Variants in SPINK13 observed in about 807,000 individuals in gnomAD.
SPINK13 encodes serine peptidase inhibitor Kazal type 13.
A neutral mutation model predicts 11.0 loss-of-function variants in SPINK13; 11 were observed. That is an observed-to-expected ratio of 1.00 (90% CI 0.63 to 1.65). The LOEUF (loss-of-function observed/expected upper bound fraction) is 1.65. Among genes scored for constraint, SPINK13 ranks in the 40% most tolerant of loss-of-function variants. SPINK13 has a pLI of 0.00. For synonymous variants in SPINK13, 31 were observed against 35.6 expected (o/e 0.87, Z 0.46); for missense variants, 113 against 117.7 (o/e 0.96, Z 0.19).
chr5:148,272,371 A>G lies in SPINK13; in HGVS notation c.71-1976A>G, dbSNP rs150251523. 1.8e-3 allele frequency among the ~76,000 whole-genome samples: 277 copies of G among 152,290 alleles called. 5 individuals are homozygous for G. The highest frequency in any genetic ancestry group is 5.8e-3 in the East Asian group (30 of 5,182). On this transcript the variant is annotated intron_variant, in intron 2 of 4. Coordinates refer to ENST00000398450, the MANE Select transcript of SPINK13 (RefSeq NM_001040129.3). ...ATTAGAAAATTAAAATTTAAAAAAT[A>G]TTAGATAATAAAAAAGTTTCAGATG...
intron 2 of SPINK13, among the ~76,000 whole-genome samples, chr5:148,272,122 A>ATG: frequency 6.6e-6 from 1 of 152,114 alleles, no homozygotes; most frequent in East Asian, 1.9e-4. Flanking sequence ...TCTTTTGTTG[A>ATG]TGGACATTTG....
chr5:148,284,835 T>C (rs750383218), intron 4 of SPINK13, among the ~76,000 whole-genome samples: 7 of 152,194 alleles, frequency 4.6e-5, no homozygotes, highest in Non-Finnish European at 8.8e-5. Flanking sequence ...TCATATTCTC[T>C]GTCCTTAATG....
At position 148,286,037 on chromosome 5, in the gene SPINK13, A is replaced by G; in HGVS notation, c.274A>G (p.Lys92Glu). ...TCGTATAAAATTTGAAAAATATGGA[A>G]AATGTGATTAATGGGTACCAGAGTA... The part of the protein sequence containing the change: ...HYRIKFEKYG[K>E]CD Residue 92 changes from lysine (K) to glutamate (E), a missense_variant, in exon 5 of 5, where the codon AAA becomes GAA. Lys to Glu is a moderately conservative substitution (Grantham distance 56). Coordinates refer to ENST00000398450, the MANE Select transcript of SPINK13 (RefSeq NM_001040129.3). 6.9e-7 allele frequency: 1 copy of G among 1,458,662 alleles called. No individual in the cohort carries two copies. Among genetic ancestry groups the G allele is most frequent in the Non-Finnish European group, 9.4e-7 (1 of 1,065,272 alleles). The allele number at this position is 1,458,662 out of a possible 1,614,324, so 90.4% of individuals were successfully genotyped here.
At chr5:148,285,324 T>C (rs1756574304) in intron 4 of SPINK13, among the ~76,000 whole-genome samples, 1 of 151,908 alleles carries the variant, frequency 6.6e-6, no homozygotes, top group Non-Finnish European at 1.5e-5. Flanking sequence ...ATTATAGGGG[T>C]TGGTGTGGGA....
intron 3 of SPINK13, among the ~76,000 whole-genome samples, chr5:148,277,034 A>T (rs1756440961): frequency 6.6e-6 from 1 of 152,032 alleles, no homozygotes; most frequent in African/African-American, 2.4e-5. Flanking sequence ...TTCTCTTTTT[A>T]GCAATTGTGA....
chr5:148,285,860 A>G (rs2113379142), intron 4 of SPINK13, 140 bp from the exon 5 acceptor site: 3 of 443,480 alleles, frequency 6.8e-6, no homozygotes, highest in South Asian at 6.0e-5. Flanking sequence ...ACAAAAATGA[A>G]AAAAAAAAAG....
Position 148,282,371 on chromosome 5 carries a change from C to A in SPINK13, c.236+140C>A, listed in dbSNP as rs1351849860. On this transcript the variant is annotated intron_variant, in intron 4 of 4. Transcript: ENST00000398450. The stretch of plus-strand genomic sequence containing the variant: ...CCTCATTATTTACAAAAACTGGGGA[C>A]AGACTACAGAGAGAGTGAAGAAAGT... The A allele has an allele frequency of 4.0e-6, 4 of 1,004,402 alleles. No individual in the cohort carries two copies. In the East Asian group the frequency reaches 1.1e-4, roughly 27 times the overall value. 62.2% of individuals were successfully genotyped at this position (1,004,402 alleles called of 1,614,324 possible). A position where few individuals can be genotyped will look rare whatever the true frequency, so the allele number is the denominator to read the frequency against.
chr5:148,269,410 A>C (rs1296289430), intron 1 of SPINK13, among the ~76,000 whole-genome samples: 1 of 151,490 alleles, frequency 6.6e-6, no homozygotes, highest in Non-Finnish European at 1.5e-5. Flanking sequence ...TTTTTTTCTG[A>C]TTCTTGCATC....
chr5:148,276,056 G>T (rs1176221451), intron 3 of SPINK13, among the ~76,000 whole-genome samples: 2 of 152,160 alleles, frequency 1.3e-5, no homozygotes, highest in African/African-American at 4.8e-5. Flanking sequence ...CAGTGATGAT[G>T]AGCGTTTTTT....
chr5:148,276,830 G>A (rs1317380263), intron 3 of SPINK13, among the ~76,000 whole-genome samples: 7 of 152,212 alleles, frequency 4.6e-5, no homozygotes, highest in Admixed American at 4.6e-4. Flanking sequence ...ATGATAGCTT[G>A]ATGGGAATAG....
rs889455804 is a variant in SPINK13, at chr5:148,282,295, C to T, written c.236+64C>T. ...CTTCTTCACAGAAATTTCAAAGAAA[C>T]ATAGTCAAGGAATTGGGTTTTACTG... On this transcript the variant is annotated intron_variant, in intron 4 of 4. Coordinates refer to ENST00000398450, the MANE Select transcript of SPINK13 (RefSeq NM_001040129.3). 5.7e-6 allele frequency: 9 copies of T among 1,591,628 alleles called. No homozygotes were observed. The East Asian group carries it at 1.4e-4, about 24-fold the overall frequency.
intron 4 of SPINK13, among the ~76,000 whole-genome samples, chr5:148,283,098 T>A (rs1756541858): frequency 6.6e-6 from 1 of 151,786 alleles, no homozygotes; most frequent in Non-Finnish European, 1.5e-5. Flanking sequence ...CTTCTCCCAG[T>A]GGACTCACAG....
chr5:148,280,811 G>A (rs1377347437), intron 3 of SPINK13, among the ~76,000 whole-genome samples: 1 of 152,246 alleles, frequency 6.6e-6, no homozygotes. Flanking sequence ...CTCAAGCACT[G>A]TGCTGGAAGA....
intron 2 of SPINK13, among the ~76,000 whole-genome samples, chr5:148,272,245 G>A (rs1309210609): frequency 6.6e-6 from 1 of 152,134 alleles, no homozygotes; most frequent in African/African-American, 2.4e-5. Context: ...GGAGTATATA[G>A]CAAGAGTAGA....
At chr5:148,279,417 C>T (rs572475037) in intron 3 of SPINK13, among the ~76,000 whole-genome samples, 24 of 152,116 alleles carry the variant, frequency 1.6e-4, no homozygotes, top group South Asian at 8.3e-4. Flanking sequence ...TGGCTGATAC[C>T]GGTTTTTCCT....
At chr5:148,279,248 T>C (rs1344424621) in intron 3 of SPINK13, among the ~76,000 whole-genome samples, 1 of 152,116 alleles carries the variant, frequency 6.6e-6, no homozygotes, top group African/African-American at 2.4e-5. Flanking sequence ...CCAGTCTGTG[T>C]CTTTTAATTG....
In SPINK13 at chr5:148,282,231, G is replaced by A; in HGVS notation, c.236G>A (p.Arg79Lys). ...QNECFFCVEQ[R>K]EFHYRIKFEK... ...GAGTGTTTCTTTTGTGTTGAACAGA[G>A]GTAAGTTCAGAATAAAATGCCATTA... Residue 79 changes from arginine (R) to lysine (K), a missense_variant and splice_region_variant, in exon 4 of 5, where the codon AGG (arginine) becomes AAG (lysine). Physicochemically the swap from Arg to Lys is conservative, Grantham distance 26 (BLOSUM62 2). Transcript: ENST00000398450. 1.2e-6 allele frequency: 2 copies of A among 1,613,978 alleles called. No individual in the cohort carries two copies. The highest frequency in any genetic ancestry group is 1.7e-6 in the Non-Finnish European group (2 of 1,179,962).
Position 148,270,109 on chromosome 5 carries a change from G to A in SPINK13, c.37G>A (p.Val13Ile). 6.2e-7 allele frequency: 1 copy of A among 1,614,040 alleles called. No individual in the cohort carries two copies. The highest frequency in any genetic ancestry group is 8.5e-7 in the Non-Finnish European group (1 of 1,179,952). Residue 13 changes from valine (V) to isoleucine (I), a missense_variant, in exon 2 of 5, where the codon GTA becomes ATA. Coordinates refer to ENST00000398450, the MANE Select transcript of SPINK13 (RefSeq NM_001040129.3). ...AFPHKIIFFL[V>I]CSTLTHVAFS... Reference sequence around the variant, plus strand: ...TCCCCACAAGATTATATTTTTCCTGGTATGCTCTACTTTGACACATGTGGC... The same window carrying A: ...TCCCCACAAGATTATATTTTTCCTGATATGCTCTACTTTGACACATGTGGC...
intron 4 of SPINK13, among the ~76,000 whole-genome samples, chr5:148,284,963 A>G (rs940575337): frequency 6.6e-6 from 1 of 152,332 alleles, no homozygotes; most frequent in Non-Finnish European, 1.5e-5. Flanking sequence ...AAAAGAACAT[A>G]TGCATGCAAA....
Sources: allele counts gnomAD v4.1 joint callset (sites outside exome capture counted in the v4.1 genomes callset), GRCh38; gene constraint gnomAD v4.1.1; transcripts MANE v1.5; gene names NCBI Gene and HGNC (gene_info 2026-07-23, HGNC 2026-07-21).